The following XIAP variants were observed in gnomAD, a reference collection of about 807,000 sequenced individuals.
XIAP encodes the protein X-linked inhibitor of apoptosis, also known as E3 ubiquitin-protein ligase XIAP.
XIAP carries 3 observed loss-of-function variants against 33.1 expected under a neutral mutation model. The observed-to-expected ratio is 0.09, with a 90% CI of 0.04 to 0.23. The LOEUF is 0.23. XIAP is among the 10% of genes least tolerant of loss of function. The pLI is 1.00. For missense variants in XIAP, 264 were observed against 363.0 expected (o/e 0.73, Z 2.22); for synonymous variants, 98 against 121.3 (o/e 0.81, Z 1.26).
rs1239498810 is a variant in XIAP at position 123,911,471 on chromosome X, C to CT, written c.*4291dup. 7.7e-6 allele frequency: 2 copies of CT among 259,539 alleles called. No homozygotes were observed. The allele number at this position is 259,539 out of a possible 1,213,427, so 21.4% of individuals were successfully genotyped here. ...CAGCCTGGGCAACAAGAGCAAAACT[C>CT]TGTCTCAAAAAAAAAAAAAGATATA... On this transcript the variant is annotated 3_prime_UTR_variant, in exon 7 of 7. Transcript: ENST00000371199.
intron 6 of XIAP, among the ~76,000 whole-genome samples, chrX:123,905,274 A>T (rs1407826022): frequency 1.8e-5 from 2 of 111,140 alleles, no homozygotes; most frequent in African/African-American, 6.5e-5. Flanking sequence ...GCCTCATCTC[A>T]TGCTATTTTC....
chrX:123,859,797 C>T (rs2053061159), upstream of XIAP: 1 of 233,947 alleles, frequency 4.3e-6, no homozygotes, highest in Non-Finnish European at 8.0e-6. Flanking sequence ...GTAGGGGTTG[C>T]AAGGGCCTCA....
chrX:123,889,213 C>A (rs752746525), intron 3 of XIAP, among the ~76,000 whole-genome samples: 1 of 110,441 alleles, frequency 9.1e-6, no homozygotes, highest in East Asian at 2.8e-4. Flanking sequence ...GCCTCAGCCT[C>A]CCGAGTAGCT....
intron 5 of XIAP, among the ~76,000 whole-genome samples, chrX:123,899,811 T>G (rs1175843997): frequency 9.1e-6 from 1 of 110,373 alleles, no homozygotes; most frequent in Non-Finnish European, 1.9e-5. Flanking sequence ...GTTTCCAGTT[T>G]GGGGCTATTA....
chrX:123,898,402 A>G (rs7471567), intron 5 of XIAP, among the ~76,000 whole-genome samples: 21,121 of 110,297 alleles, frequency 0.19, 1,474 homozygotes, highest in South Asian at 0.38. Context: ...TCGCTCCGTC[A>G]CCGAGGCTGG....
chrX:123,894,990 AAAT>A (rs2053446991), intron 5 of XIAP, among the ~76,000 whole-genome samples: 2 of 110,559 alleles, frequency 1.8e-5, no homozygotes, highest in Admixed American at 9.8e-5. Flanking sequence ...ATAAATAAAT[AAAT>A]AAAACATAAA....
intron 1 of XIAP, among the ~76,000 whole-genome samples, chrX:123,875,123 A>C (rs991486459): frequency 9.4e-6 from 1 of 106,411 alleles, no homozygotes; most frequent in Non-Finnish European, 1.9e-5. Context: ...CCCAGGTTCA[A>C]GTGATTCTCC....
chrX:123,900,827 T>G, intron 6 of XIAP, 134 bp downstream of exon 6: 1 of 569,158 alleles, frequency 1.8e-6, no homozygotes, highest in South Asian at 2.6e-5. Flanking sequence ...TGTGTGTTAG[T>G]CTGCTCAAGC....
chrX:123,898,130 A>G (rs774527612), intron 5 of XIAP, among the ~76,000 whole-genome samples: 2 of 111,486 alleles, frequency 1.8e-5, no homozygotes, highest in Non-Finnish European at 3.8e-5. Context: ...CCAGTAATTT[A>G]TGTTGTTCCT....
At chrX:123,893,428 CAGG>C (rs1039095131) in intron 5 of XIAP, among the ~76,000 whole-genome samples, 1 of 109,802 alleles carries the variant, frequency 9.1e-6, no homozygotes, top group African/African-American at 3.3e-5. Context: ...GAGGCTGAGG[CAGG>C]AGAATTGCCT....
At chrX:123,880,411 CAA>C (rs1427854524) in intron 1 of XIAP, among the ~76,000 whole-genome samples, 4 of 70,197 alleles carry the variant, frequency 5.7e-5, no homozygotes, top group Admixed American at 1.7e-4. Context: ...AACTCTGTCT[CAA>C]AAAAAAAAAA....
intron 3 of XIAP, among the ~76,000 whole-genome samples, chrX:123,890,276 A>C (rs1429147000): frequency 2.9e-5 from 3 of 103,388 alleles, no homozygotes; most frequent in Non-Finnish European, 3.9e-5. Context: ...TCGGCCTCCC[A>C]AAGTGCTGGG....
intron 4 of XIAP, 104 bp from the exon 5 acceptor site, chrX:123,892,627 T>A: frequency 1.4e-6 from 1 of 705,614 alleles, no homozygotes; most frequent in Non-Finnish European, 2.2e-6. Context: ...TGAATTGGAA[T>A]AAAGCCAATT....
At chrX:123,892,068 A>T (rs2053413296) in intron 4 of XIAP, among the ~76,000 whole-genome samples, 2 of 111,466 alleles carry the variant, frequency 1.8e-5, no homozygotes, top group South Asian at 7.3e-4. Context: ...AAATATATCT[A>T]AATTGATAGG....
At chrX:123,897,489 ATTGAAG>A (rs894562889) in intron 5 of XIAP, among the ~76,000 whole-genome samples, 6 of 104,640 alleles carry the variant, frequency 5.7e-5, no homozygotes, top group Non-Finnish European at 9.9e-5. Context: ...CCTGCAGGAC[ATTGAAG>A]TAGGAGGATA....
chrX:123,882,783 T>A (rs777609171), intron 1 of XIAP, among the ~76,000 whole-genome samples: 30 of 112,234 alleles, frequency 2.7e-4, no homozygotes, highest in Non-Finnish European at 4.9e-4. Flanking sequence ...TGCAACAGAT[T>A]TTTTTTGTTT....
At chrX:123,879,747 T>G (rs2053280440) in intron 1 of XIAP, among the ~76,000 whole-genome samples, 1 of 112,227 alleles carries the variant, frequency 8.9e-6, no homozygotes, top group Non-Finnish European at 1.9e-5. Context: ...AGTATACATT[T>G]TCATACAGTG....
Position 123,860,084 on chromosome X carries a change from A to C in XIAP, c.-242A>C. 1 of 329,459 alleles carries C rather than the reference A, an allele frequency of 3.0e-6. No individual in the cohort carries two copies. Among genetic ancestry groups the C allele is most frequent in the African/African-American group, 2.6e-5 (1 of 38,293 alleles). The allele number at this position is 329,459 out of a possible 1,213,427, so 27.2% of individuals were successfully genotyped here. A position where few individuals can be genotyped will look rare whatever the true frequency, so the allele number is the denominator to read the frequency against. On this transcript the variant is annotated 5_prime_UTR_variant, in exon 1 of 7. Transcript: ENST00000371199. ...CTGACGTGGACACACTTCGGGTTTC[A>C]CGACTCCGGGTTTCTCCAGGGGATG...
chrX:123,877,589 G>T (rs1309770008), intron 1 of XIAP, among the ~76,000 whole-genome samples: 1 of 111,910 alleles, frequency 8.9e-6, no homozygotes, highest in Non-Finnish European at 1.9e-5. Context: ...ATTAGCAACA[G>T]AAGAACAACA....
Sources: allele counts gnomAD v4.1 joint callset (sites outside exome capture counted in the v4.1 genomes callset), GRCh38; gene constraint gnomAD v4.1.1; transcripts MANE v1.5; gene names NCBI Gene and HGNC (gene_info 2026-07-23, HGNC 2026-07-21).